BBS1: variants seen among roughly 807,000 people sequenced by gnomAD.
The protein encoded by BBS1 is Bardet-Biedl syndrome 1.
In BBS1, 60 loss-of-function variants were observed where a neutral mutation model predicts 73.9. The observed-to-expected ratio is 0.81, with a 90% CI of 0.66 to 1.01. The LOEUF (loss-of-function observed/expected upper bound fraction) is 1.01. Ranked by LOEUF, BBS1 falls within the 50% of genes least tolerant of loss-of-function variation. The probability of loss-of-function intolerance (pLI) is 0.00; values close to 1 mark genes in which losing one functional copy is unlikely to be tolerated. For synonymous variants in BBS1, 283 were observed against 317.4 expected, an observed-to-expected ratio of 0.89 and a Z score of 1.15; for missense variants, 718 against 770.3, an observed-to-expected ratio of 0.93 and a Z score of 0.80.
chr11:66,526,640 C>G lies in BBS1; in HGVS notation c.1181-9C>G, dbSNP rs769820955. The G allele has an allele frequency of 1.9e-6, 3 of 1,614,226 alleles. No homozygotes were observed. Among genetic ancestry groups the G allele is most frequent in the Non-Finnish European group, 2.5e-6 (3 of 1,180,038 alleles). ...AGGACAAATCCATTTCCACTGTCCA[C>G]TTCCCTAGGTGGTGGCCTGATCATC... is the stretch of plus-strand genomic sequence containing the variant. On this transcript the variant is annotated splice_polypyrimidine_tract_variant and intron_variant, in intron 12 of 16. Coordinates refer to ENST00000318312, the MANE Select transcript of BBS1 (RefSeq NM_024649.5).
chr11:66,523,306 AG>A (rs1856322097), intron 9 of BBS1, 149 bp from the exon 10 acceptor site: 7 of 1,064,340 alleles, frequency 6.6e-6, no homozygotes, highest in East Asian at 2.4e-5. Flanking sequence ...ACATTTACTA[AG>A]GTGGCAGAAG....
At chr11:66,531,847 G>C (rs930334914) in intron 16 of BBS1, 104 bp from the exon 17 acceptor site, 2 of 1,603,794 alleles carry the variant, frequency 1.2e-6, no homozygotes, top group African/African-American at 1.3e-5. Flanking sequence ...TGGGGGTGGG[G>C]GTATCTGCAC....
chr11:66,518,283 A>T (rs913268957), intron 7 of BBS1, among the ~76,000 whole-genome samples: 9 of 144,160 alleles, frequency 6.2e-5, no homozygotes, highest in African/African-American at 2.3e-4. Context: ...TTTGAAACGG[A>T]GTCTCGCTCT....
chr11:66,528,765 TC>T (rs1856624818), intron 13 of BBS1, among the ~76,000 whole-genome samples: 1 of 151,956 alleles, frequency 6.6e-6, no homozygotes, highest in Admixed American at 6.6e-5. Context: ...GGTCAGGAGT[TC>T]GAGACCAGCC....
rs748946143 is a variant in BBS1 at position 66,515,709 on chromosome 11, C to G, written c.496C>G (p.Pro166Ala). ...LESIRETAEE[P>A]LSIQSLRFLQ... ...TCCTTGCAGGGAGACGGCAGAGGAG[C>G]CTTTGTCCATCCAGTCACTCAGGTA... The change falls in exon 6 of 17, where the codon CCT becomes GCT. Residue 166 changes from proline (P) to alanine (A), a missense_variant. By Grantham distance (27) the Pro-to-Ala change is conservative (BLOSUM62 -1). Transcript: ENST00000318312. 13 of 1,614,074 alleles carry G rather than the reference C, an allele frequency of 8.1e-6. No individual in the cohort carries two copies. The Middle Eastern group carries it at 4.9e-4, about 61-fold the overall frequency.
intron 10 of BBS1, 29 bp downstream of exon 10, chr11:66,523,605 C>T (rs1410014599): frequency 1.2e-6 from 2 of 1,613,892 alleles, no homozygotes; most frequent in South Asian, 2.2e-5. Context: ...AGCAGCCCCT[C>T]CACGCCTATG....
chr11:66,517,688 G>A (rs535899977), intron 7 of BBS1, among the ~76,000 whole-genome samples: 2 of 151,532 alleles, frequency 1.3e-5, no homozygotes, highest in Non-Finnish European at 2.9e-5. Flanking sequence ...GGATGGTCTC[G>A]ATCTCTTGAC....
chr11:66,519,893 A>C, intron 8 of BBS1, 145 bp downstream of exon 8: 1 of 1,072,816 alleles, frequency 9.3e-7, no homozygotes, highest in Non-Finnish European at 1.3e-6. Context: ...TATATCCAAA[A>C]ATCCTACCGC....
intron 9 of BBS1, 29 bp from the exon 10 acceptor site, chr11:66,523,427 G>A: frequency 6.2e-7 from 1 of 1,614,090 alleles, no homozygotes; most frequent in Non-Finnish European, 8.5e-7. Context: ...ATTTCTCTGG[G>A]GCCAGACAGT....
chr11:66,522,240 G>T (rs1223239633), intron 9 of BBS1, among the ~76,000 whole-genome samples: 1 of 151,094 alleles, frequency 6.6e-6, no homozygotes, highest in East Asian at 1.9e-4. Context: ...GGAAACAGAT[G>T]GGAAGAAATA....
At chr11:66,517,491 C>CA (rs904343301) in intron 7 of BBS1, among the ~76,000 whole-genome samples, 2 of 140,752 alleles carry the variant, frequency 1.4e-5, no homozygotes, top group Non-Finnish European at 3.0e-5. Context: ...TTTTTGGAGA[C>CA]AGAGTCTGGC....
intron 7 of BBS1, among the ~76,000 whole-genome samples, chr11:66,518,031 C>G (rs1856092506): frequency 6.7e-6 from 1 of 150,252 alleles, no homozygotes; most frequent in African/African-American, 2.5e-5. Flanking sequence ...AATCTCAGCT[C>G]ATCGCAACCT....
At chr11:66,526,509 T>C (rs1228722814) in intron 12 of BBS1, 140 bp from the exon 13 acceptor site, 5 of 1,062,198 alleles carry the variant, frequency 4.7e-6, no homozygotes, top group African/African-American at 3.1e-5. Flanking sequence ...TGCACTTTGT[T>C]ACTTCCAGAA....
At chr11:66,513,018 A>T (rs1356099338) in intron 3 of BBS1, among the ~76,000 whole-genome samples, 1 of 152,086 alleles carries the variant, frequency 6.6e-6, no homozygotes, top group Non-Finnish European at 1.5e-5. Context: ...AGAATGTTTA[A>T]TGGCTAGTTT....
chr11:66,521,344 C>G lies in BBS1; in HGVS notation c.798C>G (p.Ala266=), dbSNP rs1408073931. The change falls in exon 9 of 17, where the codon GCC becomes GCG. Residue 266 remains alanine, a synonymous_variant. Transcript: ENST00000318312. ...QFDVEFRLAA[A]CRNGNIYILR... is the part of the protein sequence containing the mutation. Reference sequence around the variant, plus strand: ...ATGTTGAGTTCCGGCTTGCCGCGGCCTGCCGCAATGGAAACATCTATATTC... The same window carrying G: ...ATGTTGAGTTCCGGCTTGCCGCGGCGTGCCGCAATGGAAACATCTATATTC... The G allele has an allele frequency of 1.3e-5, 21 of 1,614,090 alleles. No individual in the cohort carries two copies. In the Middle Eastern group the frequency reaches 4.9e-4, roughly 38 times the overall value.
At chr11:66,529,291 A>G (rs1459776818) in intron 13 of BBS1, 1 of 1,535,104 alleles carries the variant, frequency 6.5e-7, no homozygotes, top group Admixed American at 2.0e-5. Context: ...ATGGACAGGG[A>G]GGCAGTGACG....
In BBS1 at chr11:66,510,677, A is replaced by T. The variant is rs758441011; in HGVS notation, c.18A>T (p.Ser6=). The part of the protein sequence containing the change: MAAAS[S]SDSDACGAES... ...CTGCGAAGATGGCCGCTGCGTCCTCATCGGATTCCGACGCCTGCGGAGCTG... is the reference window on the plus strand; with the variant it reads ...CTGCGAAGATGGCCGCTGCGTCCTCTTCGGATTCCGACGCCTGCGGAGCTG... The change falls in exon 1 of 17, where the codon TCA becomes TCT. Residue 6 remains serine, a synonymous_variant. Coordinates refer to ENST00000318312, the MANE Select transcript of BBS1 (RefSeq NM_024649.5). 6.2e-7 allele frequency: 1 copy of T among 1,614,152 alleles called. No individual in the cohort carries two copies. The highest frequency in any genetic ancestry group is 1.1e-5 in the South Asian group (1 of 91,084).
intron 13 of BBS1, among the ~76,000 whole-genome samples, chr11:66,528,298 A>C (rs1856608483): frequency 6.6e-6 from 1 of 152,248 alleles, no homozygotes; most frequent in Non-Finnish European, 1.5e-5. Flanking sequence ...AAGAATGCTT[A>C]AGTGGAGAGA....
At chr11:66,531,444 T>TG (rs1188956700) in intron 15 of BBS1, among the ~76,000 whole-genome samples, 1 of 152,080 alleles carries the variant, frequency 6.6e-6, no homozygotes, top group Non-Finnish European at 1.5e-5. Flanking sequence ...CCAGACTTGG[T>TG]GGGAGTCCAG....
Sources: allele counts gnomAD v4.1 joint callset (sites outside exome capture counted in the v4.1 genomes callset), GRCh38; gene constraint gnomAD v4.1.1; transcripts MANE v1.5; gene names NCBI Gene and HGNC (gene_info 2026-07-23, HGNC 2026-07-21).